Variants in SLC16A3 observed in about 807,000 individuals in gnomAD.
The protein encoded by SLC16A3 is monocarboxylate transporter 4.
Under a neutral mutation model 25.0 loss-of-function variants are expected in SLC16A3, and 22 were observed. The ratio of observed to expected loss-of-function variants is 0.88; its 90% CI spans 0.63 to 1.26. SLC16A3 has a LOEUF of 1.26. SLC16A3 is among the 50% of genes most tolerant of loss of function. The probability of loss-of-function intolerance (pLI) is 0.00; values close to 1 mark genes in which losing one functional copy is unlikely to be tolerated. For synonymous variants in SLC16A3, 390 were observed against 309.2 expected, an observed-to-expected ratio of 1.26 and a Z score of -2.74; for missense variants, 731 against 666.6, an observed-to-expected ratio of 1.10 and a Z score of -1.06.
At chr17:82,222,277 C>A (rs1227043836) in intron 1 of SLC16A3, among the ~76,000 whole-genome samples, 1 of 137,288 alleles carries the variant, frequency 7.3e-6, no homozygotes, top group Non-Finnish European at 1.5e-5. Context: ...ACCCCCAACT[C>A]CGCTCCCACG....
At chr17:82,225,022 G>C (rs920001063), upstream of SLC16A3, among the ~76,000 whole-genome samples, 1 of 152,186 alleles carries the variant, frequency 6.6e-6, no homozygotes, top group Non-Finnish European at 1.5e-5. Flanking sequence ...TTCTGACTTT[G>C]GGAGGCCAGG....
upstream of SLC16A3, among the ~76,000 whole-genome samples, chr17:82,225,603 G>A (rs1409748865): frequency 1.3e-5 from 2 of 152,266 alleles, no homozygotes; most frequent in African/African-American, 2.4e-5. Context: ...CGGGGCTGTG[G>A]CTCGGCCGGA....
chr17:82,236,567 A>G (rs946772440), intron 2 of SLC16A3, 162 bp from the exon 3 acceptor site: 2 of 1,014,442 alleles, frequency 2.0e-6, no homozygotes, highest in African/African-American at 1.6e-5. Context: ...ACGTGTCATC[A>G]TGGCCTGCGC....
At chr17:82,219,780 G>A (rs904809279) in intron 1 of SLC16A3, among the ~76,000 whole-genome samples, 8 of 152,254 alleles carry the variant, frequency 5.3e-5, no homozygotes, top group Non-Finnish European at 5.9e-5. Flanking sequence ...AGGCGAGCAT[G>A]GGCTGCGCTG....
intron 3 of SLC16A3, 22 bp from the exon 4 acceptor site, chr17:82,237,116 C>T: frequency 6.7e-7 from 1 of 1,490,448 alleles, no homozygotes; most frequent in Non-Finnish European, 8.9e-7. Context: ...GGGGGGCTCT[C>T]ACCACATTCC....
chr17:82,232,694 G>T (rs1250863921), intron 1 of SLC16A3, among the ~76,000 whole-genome samples: 1 of 152,162 alleles, frequency 6.6e-6, no homozygotes, highest in Non-Finnish European at 1.5e-5. Flanking sequence ...CTGCCTGCAG[G>T]AGCCCCTGGC....
chr17:82,219,252 G>A (rs2050374318), intron 1 of SLC16A3, among the ~76,000 whole-genome samples: 2 of 152,240 alleles, frequency 1.3e-5, no homozygotes, highest in Admixed American at 1.3e-4. Context: ...TGGGCCTGCA[G>A]GTCTGAGGCA....
upstream of SLC16A3, among the ~76,000 whole-genome samples, chr17:82,226,610 C>T (rs760758934): frequency 6.6e-6 from 1 of 152,158 alleles, no homozygotes; most frequent in African/African-American, 2.4e-5. Flanking sequence ...AGTGGTATTC[C>T]GTGCCCAGGT....
rs1170863967 is a variant in SLC16A3, at chr17:82,219,579, A to AT, written c.-27+1395_-27+1396insT. 1.2e-3 allele frequency among the ~76,000 whole-genome samples: 74 copies of AT among 61,506 alleles called. 1 individual carries two copies. Among genetic ancestry groups the AT allele is most frequent in the Admixed American group, 2.7e-3 (15 of 5,542 alleles). 40.4% of individuals were successfully genotyped at this position (61,506 alleles called of 152,430 possible). ...AGGGGGACCAATGGGGCCCTTCCCC[A>AT]CCGCCTCCCAGGTGCCGGTGGCCGC... On this transcript the variant is annotated intron_variant, in intron 1 of 4. Coordinates refer to the SLC16A3 transcript ENST00000580098.
At chr17:82,237,099 C>A in intron 3 of SLC16A3, 39 bp from the exon 4 acceptor site, 1 of 1,476,188 alleles carries the variant, frequency 6.8e-7, no homozygotes, top group Non-Finnish European at 9.0e-7. Flanking sequence ...GGCTTTGGGG[C>A]AGCCTTGGGG....
intron 1 of SLC16A3, chr17:82,234,700 A>T (rs544081372): frequency 6.6e-6 from 1 of 152,462 alleles, no homozygotes; most frequent in South Asian, 2.1e-4. Flanking sequence ...GGAACTGCTC[A>T]GACTCTCCCA....
At chr17:82,234,300 C>T (rs2050559766) in intron 1 of SLC16A3, 1 of 148,596 alleles carries the variant, frequency 6.7e-6, no homozygotes. Context: ...GACACTCTGT[C>T]CTGTCCCAGG....
chr17:82,239,914 C>T lies in SLC16A3; in HGVS notation c.*938C>T. The T allele has an allele frequency of 1.9e-6, 2 of 1,027,804 alleles. No homozygotes were observed. The highest frequency in any genetic ancestry group is 4.3e-5 in the Admixed American group (1 of 23,414). The allele number at this position is 1,027,804 out of a possible 1,614,324, so 63.7% of individuals were successfully genotyped here. A position where few individuals can be genotyped will look rare whatever the true frequency, so the allele number is the denominator to read the frequency against. On this transcript the variant is annotated 3_prime_UTR_variant, in exon 5 of 5. Transcript: ENST00000582743. ...CTTGTCCTGGACACCTAACACCCAC[C>T]TGCCCTCGTGGCCAGCAGTGGCCTG...
rs1002893577 is a variant in SLC16A3, at chr17:82,236,040, C to G, written c.32C>G (p.Thr11Arg). The change falls in exon 2 of 5, where the codon ACA (threonine) becomes AGA (arginine). Residue 11 changes from threonine to arginine, a missense_variant. Physicochemically the swap from Thr to Arg is moderately conservative, Grantham distance 71. Coordinates refer to ENST00000582743, the MANE Select transcript of SLC16A3 (RefSeq NM_004207.4). MGGAVVDEGP[T>R]GVKAPDGGWG... ...GGGGCCGTGGTGGACGAGGGCCCCA[C>G]AGGCGTCAAGGCCCCTGACGGCGGC... The G allele has an allele frequency of 6.2e-7, 1 of 1,612,414 alleles. No individual in the cohort carries two copies. Among genetic ancestry groups the G allele is most frequent in the Admixed American group, 1.7e-5 (1 of 59,992 alleles).
At chr17:82,231,279 C>G (rs1399142133) in intron 1 of SLC16A3, 2 of 152,246 alleles carry the variant, frequency 1.3e-5, no homozygotes, top group East Asian at 1.9e-4. Flanking sequence ...AGCCGTCCCT[C>G]CGGCCCGGGC....
At chr17:82,220,091 G>A (rs538636022) in intron 1 of SLC16A3, among the ~76,000 whole-genome samples, 43 of 152,340 alleles carry the variant, frequency 2.8e-4, no homozygotes, top group African/African-American at 1.0e-3. Context: ...AGAGGAGAGG[G>A]CAGTGTCCCC....
Position 82,237,186 on chromosome 17 carries a change from G to A in SLC16A3, c.416G>A (p.Arg139His), listed in dbSNP as rs147953833. Residue 139 changes from arginine to histidine, a missense_variant, in exon 4 of 5, where the codon CGC becomes CAC. Coordinates refer to ENST00000582743, the MANE Select transcript of SLC16A3 (RefSeq NM_004207.4). ...CAGCCCTCGCTCATCATGCTGAACC[G>A]CTACTTCAGCAAGCGGCGCCCCATG... is the stretch of plus-strand genomic sequence containing the variant. ...NFQPSLIMLN[R>H]YFSKRRPMAN... is the part of the protein sequence containing the mutation. The A allele has an allele frequency of 1.2e-5, 19 of 1,527,918 alleles. No individual in the cohort carries two copies. The highest frequency in any genetic ancestry group is 3.4e-4 in the Middle Eastern group (2 of 5,806). 94.6% of individuals were successfully genotyped at this position (1,527,918 alleles called of 1,614,324 possible).
chr17:82,238,061 T>C (rs1397036563), intron 4 of SLC16A3, among the ~76,000 whole-genome samples, 168 bp downstream of exon 4: 1 of 151,858 alleles, frequency 6.6e-6, no homozygotes, highest in African/African-American at 2.4e-5. Flanking sequence ...GGCTAGCGGG[T>C]CTCCATTAGG....
chr17:82,236,983 T>G, intron 3 of SLC16A3, 111 bp downstream of exon 3: 1 of 1,491,502 alleles, frequency 6.7e-7, no homozygotes, highest in South Asian at 1.3e-5. Context: ...CTGCGGGGTG[T>G]CCCGGCCCCA....
Sources: allele counts gnomAD v4.1 joint callset (sites outside exome capture counted in the v4.1 genomes callset), GRCh38; gene constraint gnomAD v4.1.1; transcripts MANE v1.5; gene names NCBI Gene and HGNC (gene_info 2026-07-23, HGNC 2026-07-21).